Variants in XKR6 observed in about 807,000 individuals in gnomAD.
XKR6 encodes the protein XK-related protein 6.
XKR6 carries 22 observed loss-of-function variants against 56.7 expected under a neutral mutation model. The observed-to-expected ratio is 0.39, with a 90% CI of 0.28 to 0.55. XKR6 has a LOEUF of 0.55. Among genes scored for constraint, XKR6 ranks in the 20% least tolerant of loss-of-function variants. The pLI is 0.66. For missense variants in XKR6, 852 were observed against 889.0 expected (o/e 0.96, Z 0.53); for synonymous variants, 524 against 387.8 (o/e 1.35, Z -4.13).
In XKR6 at chr8:10,995,693, CA is replaced by C. The variant is rs33957321; in HGVS notation, c.765-70864del. ...ACAGAGTGAGACCCTATCTCCCCAC[CA>C]AAAAAAAAAAAAAAAATTGAGGGCA... On this transcript the variant is annotated intron_variant, in intron 1 of 2. Transcript: ENST00000416569. Among the ~76,000 whole-genome samples, 867 of 114,930 alleles carry C rather than the reference CA, an allele frequency of 7.5e-3. 4 individuals carry two copies. Among genetic ancestry groups the C allele is most frequent in the African/African-American group, 0.016 (549 of 33,590 alleles). 75.4% of individuals were successfully genotyped at this position (114,930 alleles called of 152,430 possible).
chr8:11,004,733 G>C (rs1474819098), intron 1 of XKR6, among the ~76,000 whole-genome samples: 1 of 152,160 alleles, frequency 6.6e-6, no homozygotes, highest in Non-Finnish European at 1.5e-5. Flanking sequence ...ACAGATAATT[G>C]TATATCCATG....
intron 1 of XKR6, among the ~76,000 whole-genome samples, chr8:10,979,681 C>A (rs1344559598): frequency 1.3e-5 from 2 of 152,206 alleles, no homozygotes; most frequent in African/African-American, 4.8e-5. Flanking sequence ...CCCTTGTGGA[C>A]AAGTCAGGCT....
intron 1 of XKR6, among the ~76,000 whole-genome samples, chr8:11,130,539 C>A (rs374402574): frequency 2.6e-5 from 4 of 151,736 alleles, no homozygotes; most frequent in African/African-American, 9.7e-5. Context: ...GTGCCGTAGT[C>A]TCTGTAGACT....
At chr8:11,169,135 C>T (rs1414598627) in intron 1 of XKR6, among the ~76,000 whole-genome samples, 1 of 152,172 alleles carries the variant, frequency 6.6e-6, no homozygotes, top group Admixed American at 6.5e-5. Context: ...CCTTCCCTGC[C>T]CAGTCCATAA....
chr8:11,130,529 G>A (rs552901436), intron 1 of XKR6, among the ~76,000 whole-genome samples: 11 of 151,906 alleles, frequency 7.2e-5, no homozygotes, highest in Admixed American at 3.3e-4. Context: ...CTGCACCCAA[G>A]TGCCGTAGTC....
chr8:10,981,066 A>G (rs949756087), intron 1 of XKR6, among the ~76,000 whole-genome samples: 2 of 152,072 alleles, frequency 1.3e-5, no homozygotes, highest in African/African-American at 2.4e-5. Flanking sequence ...TTCCCATTTT[A>G]AATTCCTACC....
At chr8:11,190,951 G>A (rs745441931) in intron 1 of XKR6, among the ~76,000 whole-genome samples, 1 of 152,004 alleles carries the variant, frequency 6.6e-6, no homozygotes, top group East Asian at 1.9e-4. Flanking sequence ...ATTTCTCTAC[G>A]CCTCCTCCAC....
At chr8:11,135,455 T>A (rs1434189289) in intron 1 of XKR6, among the ~76,000 whole-genome samples, 1 of 152,346 alleles carries the variant, frequency 6.6e-6, no homozygotes, top group South Asian at 2.1e-4. Context: ...CAGTTTAATA[T>A]TGCTATCTTT....
chr8:11,035,523 G>T (rs1799118083), intron 1 of XKR6, among the ~76,000 whole-genome samples: 1 of 152,222 alleles, frequency 6.6e-6, no homozygotes, highest in African/African-American at 2.4e-5. Flanking sequence ...GTGGCCTGGG[G>T]AGGAACCCCA....
intron 1 of XKR6, among the ~76,000 whole-genome samples, chr8:11,199,463 T>C (rs1804076569): frequency 6.6e-6 from 1 of 152,178 alleles, no homozygotes; most frequent in Admixed American, 6.5e-5. Context: ...AAGCTTGGAG[T>C]CAGGGCAGCC....
At chr8:11,001,395 C>A (rs1586415495) in intron 1 of XKR6, among the ~76,000 whole-genome samples, 1 of 152,164 alleles carries the variant, frequency 6.6e-6, no homozygotes, top group Non-Finnish European at 1.5e-5. Flanking sequence ...TGCTCTGAGG[C>A]ACCCTCAAAT....
intron 1 of XKR6, among the ~76,000 whole-genome samples, chr8:11,034,988 C>A (rs1206618954): frequency 6.6e-6 from 1 of 152,226 alleles, no homozygotes; most frequent in African/African-American, 2.4e-5. Context: ...AGACTGCCAG[C>A]CAGTGCCCTG....
At chr8:11,068,946 C>A (rs550614323) in intron 1 of XKR6, among the ~76,000 whole-genome samples, 1 of 152,366 alleles carries the variant, frequency 6.6e-6, no homozygotes, top group Admixed American at 6.5e-5. Context: ...CTGCCCCTCC[C>A]CAGGCTGCTC....
intron 1 of XKR6, among the ~76,000 whole-genome samples, chr8:11,100,452 C>T (rs1404396452): frequency 6.6e-6 from 1 of 152,228 alleles, no homozygotes; most frequent in Non-Finnish European, 1.5e-5. Flanking sequence ...GTGTTCCACT[C>T]ATTGTGTTTA....
intron 1 of XKR6, among the ~76,000 whole-genome samples, chr8:10,973,922 A>T (rs546993574): frequency 6.4e-4 from 97 of 152,328 alleles, no homozygotes; most frequent in African/African-American, 2.3e-3. Flanking sequence ...TCTTGTTAGC[A>T]CAGTGCATAG....
At chr8:10,951,787 G>A (rs1801732052) in intron 1 of XKR6, among the ~76,000 whole-genome samples, 1 of 152,178 alleles carries the variant, frequency 6.6e-6, no homozygotes, top group Non-Finnish European at 1.5e-5. Flanking sequence ...TTGGGAGAGG[G>A]AGAAACGAGG....
chr8:11,135,407 T>C (rs945442581), intron 1 of XKR6, among the ~76,000 whole-genome samples: 11 of 152,186 alleles, frequency 7.2e-5, no homozygotes, highest in Admixed American at 2.0e-4. Flanking sequence ...CCAGGATAGA[T>C]AGAATAAAGT....
chr8:11,163,696 C>A (rs1801935090), intron 1 of XKR6, among the ~76,000 whole-genome samples: 1 of 152,230 alleles, frequency 6.6e-6, no homozygotes, highest in South Asian at 2.1e-4. Context: ...ATTTCTACCG[C>A]ACTGACTTTG....
chr8:11,200,451 G>T lies in XKR6; in HGVS notation c.764+125C>A. Reference sequence around the variant, plus strand: ...GTCTTTTGGAGACGCCAGGGGCGGCGCGCGGCCGGTCCCTCCTTCGAGCCC... The same window carrying T: ...GTCTTTTGGAGACGCCAGGGGCGGCTCGCGGCCGGTCCCTCCTTCGAGCCC... On this transcript the variant is annotated intron_variant, in intron 1 of 2. Coordinates refer to ENST00000416569, the MANE Select transcript of XKR6 (RefSeq NM_173683.4). This position sits in a 1 kb window ranked among gnomAD's most constrained non-coding sequence, Gnocchi z 6.4. 1 of 1,223,574 alleles carries T rather than the reference G, an allele frequency of 8.2e-7. No homozygotes were observed. The highest frequency in any genetic ancestry group is 1.0e-6 in the Non-Finnish European group (1 of 952,866). 75.8% of individuals were successfully genotyped at this position (1,223,574 alleles called of 1,614,324 possible).
Sources: allele counts gnomAD v4.1 joint callset (sites outside exome capture counted in the v4.1 genomes callset), GRCh38; gene constraint gnomAD v4.1.1; non-coding constraint Gnocchi (gnomAD v3.1); transcripts MANE v1.5; gene names NCBI Gene and HGNC (gene_info 2026-07-23, HGNC 2026-07-21).